PRKG1: variants seen among roughly 807,000 people sequenced by gnomAD.
PRKG1 encodes cGMP-dependent protein kinase 1.
Under a neutral mutation model 88.1 loss-of-function variants are expected in PRKG1, and 35 were observed. The ratio of observed to expected loss-of-function variants is 0.40; its 90% CI spans 0.30 to 0.53. The LOEUF (loss-of-function observed/expected upper bound fraction) is 0.53, where lower values mean the gene tolerates loss of function less well. Ranked by LOEUF, PRKG1 falls within the 20% of genes least tolerant of loss-of-function variation. The pLI is 0.59. For synonymous variants in PRKG1, 303 were observed against 292.5 expected (o/e 1.04, Z -0.37); for missense variants, 540 against 839.8 (o/e 0.64, Z 4.41).
In PRKG1 at chr10:51,629,082, T is replaced by C. The variant is rs557437161; in HGVS notation, c.592+161246T>C. Among the ~76,000 whole-genome samples, 235 of 152,278 alleles carry C rather than the reference T, an allele frequency of 1.5e-3. 3 individuals are homozygous for C. The South Asian group carries it at 0.021, about 14-fold the overall frequency. On this transcript the variant is annotated intron_variant, in intron 3 of 17. Coordinates refer to ENST00000373980, the MANE Select transcript of PRKG1 (RefSeq NM_006258.4). The stretch of plus-strand genomic sequence containing the variant: ...TGTTTTTATAAAATAGAAAGGATCA[T>C]AGTTGAAAATATGGGGTGTGGAGGA...
chr10:52,163,009 G>C (rs1433450781), intron 9 of PRKG1, among the ~76,000 whole-genome samples: 1 of 151,946 alleles, frequency 6.6e-6, no homozygotes, highest in Non-Finnish European at 1.5e-5. Flanking sequence ...ATTTCAACAG[G>C]CTAAAATGTA....
intron 2 of PRKG1, among the ~76,000 whole-genome samples, chr10:51,157,435 CAGAT>C (rs1846242132): frequency 1.3e-5 from 2 of 151,862 alleles, no homozygotes; most frequent in Middle Eastern, 3.2e-3. Context: ...TTTTCTTAAA[CAGAT>C]AGACTTTGGC....
chr10:51,530,909 G>A (rs1365843920), intron 3 of PRKG1, among the ~76,000 whole-genome samples: 1 of 152,020 alleles, frequency 6.6e-6, no homozygotes, highest in Non-Finnish European at 1.5e-5. Flanking sequence ...TCTCCTTATG[G>A]GCCCGGGGTT....
At chr10:51,525,569 G>A (rs1253496703) in intron 3 of PRKG1, among the ~76,000 whole-genome samples, 1 of 152,050 alleles carries the variant, frequency 6.6e-6, no homozygotes, top group African/African-American at 2.4e-5. Flanking sequence ...GTGGTGGCGG[G>A]GGCCTGTAGT....
At chr10:52,132,265 G>C (rs1048995956) in intron 7 of PRKG1, among the ~76,000 whole-genome samples, 9 of 152,148 alleles carry the variant, frequency 5.9e-5, no homozygotes, top group Admixed American at 5.9e-4. Flanking sequence ...GAATCCCAAG[G>C]TGGGTGTTTC....
intron 2 of PRKG1, among the ~76,000 whole-genome samples, chr10:51,256,343 T>G (rs1447192374): frequency 1.3e-5 from 2 of 152,130 alleles, no homozygotes; most frequent in Non-Finnish European, 2.9e-5. Context: ...AATCCTGAGA[T>G]TTTTCATTCC....
chr10:51,604,396 A>G (rs972068567), intron 3 of PRKG1, among the ~76,000 whole-genome samples: 3 of 152,156 alleles, frequency 2.0e-5, no homozygotes, highest in Non-Finnish European at 4.4e-5. Context: ...ACCTTCTAAA[A>G]TGTTGTTTCA....
intron 3 of PRKG1, among the ~76,000 whole-genome samples, chr10:51,648,223 A>G (rs1206175339): frequency 6.6e-6 from 1 of 152,186 alleles, no homozygotes. Flanking sequence ...ACAAAAATCT[A>G]ACACTTAGAA....
intron 2 of PRKG1, among the ~76,000 whole-genome samples, chr10:51,299,022 A>G (rs964860040): frequency 1.3e-5 from 2 of 152,202 alleles, no homozygotes; most frequent in Non-Finnish European, 2.9e-5. Flanking sequence ...AATGAAAGGA[A>G]TATGACCATT....
At chr10:52,123,111 C>T (rs1325102353) in intron 7 of PRKG1, among the ~76,000 whole-genome samples, 3 of 152,126 alleles carry the variant, frequency 2.0e-5, no homozygotes, top group Non-Finnish European at 4.4e-5. Flanking sequence ...TTCTTTGTCA[C>T]TGAAGAATGC....
In PRKG1 at chr10:51,470,422, A is replaced by G. The variant is rs564762536; in HGVS notation, c.592+2586A>G. Among the ~76,000 whole-genome samples, 19 of 151,708 alleles carry G rather than the reference A, an allele frequency of 1.3e-4. 2 individuals carry two copies. The South Asian group carries it at 3.5e-3, about 28-fold the overall frequency. Reference sequence around the variant, plus strand: ...CCTATCCATGCTTCTTCTTTCTTACATACCTCGGCTTTTGACCTCCTTAAC... The same window carrying G: ...CCTATCCATGCTTCTTCTTTCTTACGTACCTCGGCTTTTGACCTCCTTAAC... On this transcript the variant is annotated intron_variant, in intron 3 of 17. Coordinates refer to ENST00000373980, the MANE Select transcript of PRKG1 (RefSeq NM_006258.4).
chr10:52,293,996 G>C lies in PRKG1; in HGVS notation c.*96G>C, dbSNP rs1003432881. ...AGGGAAAGAGAGAAGATTAGTGCTC[G>C]GGGTCACCATGATGCCTTTGATCGA... On this transcript the variant is annotated 3_prime_UTR_variant, in exon 18 of 18. Coordinates refer to ENST00000373980, the MANE Select transcript of PRKG1 (RefSeq NM_006258.4). 17 of 1,016,642 alleles carry C rather than the reference G, an allele frequency of 1.7e-5. No homozygotes were observed. Among genetic ancestry groups the C allele is most frequent in the Non-Finnish European group, 2.5e-5 (17 of 671,708 alleles). 63.0% of individuals were successfully genotyped at this position (1,016,642 alleles called of 1,614,324 possible). A position where few individuals can be genotyped will look rare whatever the true frequency, so the allele number is the denominator to read the frequency against.
chr10:51,715,491 T>A (rs140231038), intron 3 of PRKG1, among the ~76,000 whole-genome samples: 1 of 152,242 alleles, frequency 6.6e-6, no homozygotes, highest in East Asian at 1.9e-4. Context: ...GAGAAACCCT[T>A]CATTTGAACA....
intron 3 of PRKG1, among the ~76,000 whole-genome samples, chr10:51,516,197 A>C (rs972207707): frequency 1.1e-4 from 16 of 152,088 alleles, no homozygotes; most frequent in African/African-American, 3.1e-4. Flanking sequence ...GGAATGCTGG[A>C]ATGGGGATGG....
At chr10:51,815,815 G>T (rs1363004012) in intron 4 of PRKG1, among the ~76,000 whole-genome samples, 1 of 152,126 alleles carries the variant, frequency 6.6e-6, no homozygotes, top group African/African-American at 2.4e-5. Flanking sequence ...ATGAATCTGA[G>T]AATCCTGATT....
chr10:51,610,145 GCTCT>G (rs1838869836), intron 3 of PRKG1, among the ~76,000 whole-genome samples: 1 of 152,090 alleles, frequency 6.6e-6, no homozygotes, highest in African/African-American at 2.4e-5. Flanking sequence ...TATATTGCAA[GCTCT>G]CTCTTCTAGT....
At chr10:51,466,335 C>G (rs1246040305) in intron 2 of PRKG1, among the ~76,000 whole-genome samples, 3 of 152,052 alleles carry the variant, frequency 2.0e-5, no homozygotes, top group African/African-American at 4.8e-5. Flanking sequence ...GTAAGCAAGT[C>G]TTTTTAAACC....
chr10:51,026,716 T>A (rs979909542), intron 1 of PRKG1, among the ~76,000 whole-genome samples: 3 of 152,172 alleles, frequency 2.0e-5, no homozygotes, highest in Admixed American at 6.6e-5. Context: ...GTACATCTTA[T>A]CCTAGCAGTA....
chr10:51,461,384 G>T (rs1839740101), intron 2 of PRKG1, among the ~76,000 whole-genome samples: 1 of 152,062 alleles, frequency 6.6e-6, no homozygotes, highest in African/African-American at 2.4e-5. Context: ...CTAACAACAT[G>T]ATGGTCTTAG....
Sources: allele counts gnomAD v4.1 joint callset (sites outside exome capture counted in the v4.1 genomes callset), GRCh38; gene constraint gnomAD v4.1.1; transcripts MANE v1.5; gene names NCBI Gene and HGNC (gene_info 2026-07-23, HGNC 2026-07-21).